Variants in PLXNA2 observed in about 807,000 individuals in gnomAD.
The protein encoded by PLXNA2 is plexin A2.
A neutral mutation model predicts 193.5 loss-of-function variants in PLXNA2; 91 were observed. The ratio of observed to expected loss-of-function variants is 0.47; its 90% confidence interval spans 0.40 to 0.56. The LOEUF (loss-of-function observed/expected upper bound fraction) is 0.56, where lower values mean the gene tolerates loss of function less well. Ranked by LOEUF, PLXNA2 falls within the 20% of genes least tolerant of loss-of-function variation. The pLI, the probability that PLXNA2 is intolerant of heterozygous loss-of-function variation, is 0.00. For synonymous variants in PLXNA2, 997 were observed against 1,027.3 expected (o/e 0.97, Z 0.56); for missense variants, 1,995 against 2,503.2 (o/e 0.80, Z 4.33).
At chr1:208,226,429 T>C (rs937452262) in intron 1 of PLXNA2, among the ~76,000 whole-genome samples, 1 of 151,826 alleles carries the variant, frequency 6.6e-6, no homozygotes, top group Non-Finnish European at 1.5e-5. Context: ...TAGCAAAACA[T>C]GTAGTGTTTG....
At chr1:208,161,630 T>C (rs1041766000) in intron 3 of PLXNA2, among the ~76,000 whole-genome samples, 1 of 152,176 alleles carries the variant, frequency 6.6e-6, no homozygotes, top group Non-Finnish European at 1.5e-5. Context: ...GCAGGACATT[T>C]AGCCTCTCTG....
At chr1:208,116,623 C>T (rs986820861) in intron 4 of PLXNA2, among the ~76,000 whole-genome samples, 2 of 152,144 alleles carry the variant, frequency 1.3e-5, no homozygotes, top group South Asian at 4.1e-4. Context: ...GTCAGAAGAA[C>T]GTAGCTCAGC....
At chr1:208,088,551 G>A (rs1054552846) in intron 9 of PLXNA2, among the ~76,000 whole-genome samples, 32 of 152,330 alleles carry the variant, frequency 2.1e-4, no homozygotes, top group African/African-American at 6.7e-4. Context: ...ACATCCTCCC[G>A]TGCACACCCG....
At chr1:208,166,991 A>G (rs1305579549) in intron 3 of PLXNA2, among the ~76,000 whole-genome samples, 1 of 152,144 alleles carries the variant, frequency 6.6e-6, no homozygotes, top group African/African-American at 2.4e-5. Flanking sequence ...TGAGAGAGGG[A>G]GTTCCCAAAA....
chr1:208,243,108 C>A (rs1672113749), intron 1 of PLXNA2, among the ~76,000 whole-genome samples: 1 of 152,172 alleles, frequency 6.6e-6, no homozygotes, highest in Admixed American at 6.5e-5. Flanking sequence ...GGAACCCGCG[C>A]AAATGATGTT....
intron 4 of PLXNA2, among the ~76,000 whole-genome samples, chr1:208,134,799 T>C (rs1001708188): frequency 6.6e-6 from 1 of 152,094 alleles, no homozygotes; most frequent in Non-Finnish European, 1.5e-5. Flanking sequence ...ATCAAAATAA[T>C]AGTCTGAGAT....
chr1:208,225,102 G>C (rs1671469288), intron 1 of PLXNA2, among the ~76,000 whole-genome samples: 2 of 152,164 alleles, frequency 1.3e-5, no homozygotes, highest in Admixed American at 1.3e-4. Context: ...ATATGTGCGT[G>C]ACAGTGAGGG....
intron 3 of PLXNA2, among the ~76,000 whole-genome samples, chr1:208,152,457 G>A (rs6671923): frequency 0.38 from 57,729 of 151,948 alleles, 12,199 homozygotes; most frequent in Admixed American, 0.5. Context: ...GCATATTCTT[G>A]TTCTAATCTA....
chr1:208,056,480 T>C (rs1435527056), intron 13 of PLXNA2, among the ~76,000 whole-genome samples: 4 of 152,198 alleles, frequency 2.6e-5, no homozygotes, highest in African/African-American at 7.2e-5. Flanking sequence ...CCCTGGGCCC[T>C]GGGTCTGTGT....
intron 1 of PLXNA2, among the ~76,000 whole-genome samples, chr1:208,239,571 TG>T (rs979725173): frequency 5.3e-5 from 8 of 152,224 alleles, no homozygotes. Context: ...GGTCAGGCCT[TG>T]GACCACATGG....
intron 4 of PLXNA2, among the ~76,000 whole-genome samples, chr1:208,117,374 C>T (rs938882711): frequency 2.0e-5 from 3 of 152,132 alleles, no homozygotes; most frequent in Non-Finnish European, 2.9e-5. Flanking sequence ...CCGCTCCCAC[C>T]CCAGCTGCAC....
chr1:208,240,395 T>G (rs1412926284), intron 1 of PLXNA2, among the ~76,000 whole-genome samples: 1 of 152,160 alleles, frequency 6.6e-6, no homozygotes, highest in African/African-American at 2.4e-5. Context: ...TCTGTCTCCA[T>G]AGGGCTCACC....
At chr1:208,061,819 T>C (rs796840283) in intron 12 of PLXNA2, among the ~76,000 whole-genome samples, 2 of 152,158 alleles carry the variant, frequency 1.3e-5, no homozygotes, top group African/African-American at 4.8e-5. Context: ...TTGTGGCCAA[T>C]AGTTATCTGA....
intron 3 of PLXNA2, among the ~76,000 whole-genome samples, chr1:208,207,629 A>G (rs570335943): frequency 3.3e-5 from 5 of 151,426 alleles, no homozygotes; most frequent in Admixed American, 2.6e-4. Flanking sequence ...ACTCTTAGCT[A>G]TTTTTTTTCT....
intron 4 of PLXNA2, among the ~76,000 whole-genome samples, chr1:208,131,655 GCATGGTTCACA>G (rs1558208572): frequency 7.2e-5 from 11 of 152,174 alleles, no homozygotes. Flanking sequence ...ATATGGGTTT[GCATGGTTCACA>G]CTTGAAACAG....
chr1:208,129,945 G>C (rs1367308024), intron 4 of PLXNA2, among the ~76,000 whole-genome samples: 1 of 152,094 alleles, frequency 6.6e-6, no homozygotes, highest in East Asian at 1.9e-4. Context: ...TTGCATCTCT[G>C]CCCACCTCTT....
rs186740123 is a variant in PLXNA2, at chr1:208,031,684, G to A, written c.5131C>T (p.Leu1711=). Residue 1711 remains leucine, a synonymous_variant, in exon 29 of 32, where the codon CTG becomes TTG. Coordinates refer to ENST00000367033, the MANE Select transcript of PLXNA2 (RefSeq NM_025179.4). The part of the protein sequence containing the change: ...STVHRGSALP[L]AIKYMFDFLD... ...AAATCAAACATGTACTTGATGGCCA[G>A]GGGGAGAGCGCTGCCCCGGTGCACA... 1.7e-5 allele frequency: 27 copies of A among 1,613,762 alleles called. No homozygotes were observed. The highest frequency in any genetic ancestry group is 1.6e-4 in the South Asian group (15 of 91,048).
intron 3 of PLXNA2, among the ~76,000 whole-genome samples, chr1:208,209,531 C>T (rs529109200): frequency 9.8e-5 from 15 of 152,294 alleles, no homozygotes; most frequent in East Asian, 5.8e-4. Context: ...CCAGATTGTG[C>T]GCCCTCTCTG....
chr1:208,114,297 T>G (rs914046655), intron 4 of PLXNA2, among the ~76,000 whole-genome samples: 1 of 152,184 alleles, frequency 6.6e-6, no homozygotes, highest in Non-Finnish European at 1.5e-5. Flanking sequence ...GATACTTCCC[T>G]TAGAATCTGT....
Sources: allele counts gnomAD v4.1 joint callset (sites outside exome capture counted in the v4.1 genomes callset), GRCh38; gene constraint gnomAD v4.1.1; transcripts MANE v1.5; gene names NCBI Gene and HGNC (gene_info 2026-07-23, HGNC 2026-07-21).